NDUFAF6: variants seen among roughly 807,000 people sequenced by gnomAD.
NDUFAF6 encodes NADH:ubiquinone oxidoreductase complex assembly factor 6, also known as NADH dehydrogenase (ubiquinone) complex I, assembly factor 6.
Under a neutral mutation model 40.8 loss-of-function variants are expected in NDUFAF6, and 45 were observed. The ratio of observed to expected loss-of-function variants is 1.10; its 90% CI spans 0.87 to 1.42. The LOEUF (loss-of-function observed/expected upper bound fraction) is 1.42. Ranked by LOEUF, NDUFAF6 falls within the 40% of genes most tolerant of loss-of-function variation. The pLI, the probability that NDUFAF6 is intolerant of heterozygous loss-of-function variation, is 0.00. For synonymous variants in NDUFAF6, 185 were observed against 155.9 expected, an observed-to-expected ratio of 1.19 and a Z score of -1.39; for missense variants, 435 against 418.5, an observed-to-expected ratio of 1.04 and a Z score of -0.34.
intron 2 of NDUFAF6, among the ~76,000 whole-genome samples, chr8:95,007,432 G>A (rs1434165098): frequency 6.6e-6 from 1 of 152,082 alleles, no homozygotes; most frequent in African/African-American, 2.4e-5. Context: ...GGGAGGCCAA[G>A]GCAGGAAGAT....
chr8:94,896,985 G>A (rs1006602998), intron 1 of NDUFAF6, among the ~76,000 whole-genome samples: 1 of 152,204 alleles, frequency 6.6e-6, no homozygotes, highest in African/African-American at 2.4e-5. Context: ...GATGGCTCTC[G>A]GCGGGGCAGA....
At chr8:95,082,764 A>AT (rs1808914653) in intron 2 of NDUFAF6, among the ~76,000 whole-genome samples, 1 of 151,486 alleles carries the variant, frequency 6.6e-6, no homozygotes, top group African/African-American at 2.4e-5. Flanking sequence ...GGTTCACGCC[A>AT]TTCTCCTGCC....
intron 9 of NDUFAF6, among the ~76,000 whole-genome samples, chr8:95,072,214 G>C (rs892503822): frequency 7.9e-5 from 12 of 152,030 alleles, no homozygotes; most frequent in African/African-American, 2.7e-4. Flanking sequence ...TTATGTTGCG[G>C]TGCCCTACTT....
At chr8:95,067,073 A>G (rs1469879183) in intron 9 of NDUFAF6, 1 of 152,216 alleles carries the variant, frequency 6.6e-6, no homozygotes, top group Non-Finnish European at 1.5e-5. Flanking sequence ...AGGGAGGACT[A>G]TTTATTGAGA....
chr8:94,980,962 G>A (rs1825395675), exon 2 of NDUFAF6: 1 of 456,574 alleles, frequency 2.2e-6, no homozygotes, highest in East Asian at 6.9e-5. Flanking sequence ...ATTCCTCATG[G>A]TTGGTTCAAA....
At chr8:95,095,803 T>G (rs1393838109), upstream of NDUFAF6, among the ~76,000 whole-genome samples, 2 of 152,048 alleles carry the variant, frequency 1.3e-5, no homozygotes, top group Admixed American at 1.3e-4. Flanking sequence ...TAGCTGAGAT[T>G]ACAGGCGCCT....
intron 4 of NDUFAF6, among the ~76,000 whole-genome samples, chr8:95,112,585 G>C (rs913480057): frequency 6.6e-6 from 1 of 151,254 alleles, no homozygotes; most frequent in African/African-American, 2.4e-5. Flanking sequence ...GTGACAATCT[G>C]TTCTGGCAGC....
rs188650603 is a variant in NDUFAF6 at position 95,007,382 on chromosome 8, G to A, written c.-83-24613G>A. 2.5e-3 allele frequency among the ~76,000 whole-genome samples: 380 copies of A among 151,922 alleles called. 4 individuals are homozygous for A. Among genetic ancestry groups the A allele is most frequent in the African/African-American group, 8.7e-3 (362 of 41,426 alleles). On this transcript the variant is annotated intron_variant, in intron 2 of 9. Coordinates refer to the NDUFAF6 transcript ENST00000396111. ...AAAATATTTAATTTTAAAAATCCAT[G>A]CGCCAGGCACATGACTCATGCCCAT...
exon 10 of NDUFAF6, chr8:95,075,827 C>A (rs781705101): frequency 5.5e-6 from 3 of 546,594 alleles, no homozygotes; most frequent in African/African-American, 3.9e-5. Context: ...GCACACACTT[C>A]TCCTTGCGCT....
At chr8:95,048,243 TG>T (rs1006887485) in intron 6 of NDUFAF6, among the ~76,000 whole-genome samples, 8 of 152,246 alleles carry the variant, frequency 5.3e-5, no homozygotes, top group African/African-American at 1.7e-4. Context: ...CTCTCATTTT[TG>T]TTTTTTTTTC....
At chr8:95,012,807 G>C (rs1239690801) in intron 2 of NDUFAF6, among the ~76,000 whole-genome samples, 2 of 151,556 alleles carry the variant, frequency 1.3e-5, no homozygotes, top group South Asian at 2.1e-4. Context: ...CTGGGTGACA[G>C]AGTAAGACTC....
intron 2 of NDUFAF6, among the ~76,000 whole-genome samples, chr8:94,995,704 C>A (rs1255850563): frequency 1.3e-5 from 2 of 152,224 alleles, no homozygotes; most frequent in African/African-American, 4.8e-5. Flanking sequence ...AGAACTCATT[C>A]CAGTTTCAGC....
intron 1 of NDUFAF6, among the ~76,000 whole-genome samples, chr8:94,923,558 C>A (rs1434997295): frequency 6.6e-6 from 1 of 152,166 alleles, no homozygotes; most frequent in East Asian, 1.9e-4. Flanking sequence ...CTGTAAGTAA[C>A]CACTCCTTCA....
chr8:95,109,387 A>C (rs1809929278), intron 4 of NDUFAF6, among the ~76,000 whole-genome samples: 1 of 152,232 alleles, frequency 6.6e-6, no homozygotes, highest in East Asian at 1.9e-4. Flanking sequence ...TAAGGTCTGT[A>C]TGATCTTTAC....
intron 2 of NDUFAF6, among the ~76,000 whole-genome samples, chr8:95,013,719 T>C (rs1019761408): frequency 7.9e-5 from 12 of 152,128 alleles, no homozygotes; most frequent in Non-Finnish European, 1.6e-4. Flanking sequence ...AAGTATATAA[T>C]ATGTCAGATG....
At chr8:94,937,192 A>G (rs1821061374) in intron 1 of NDUFAF6, among the ~76,000 whole-genome samples, 1 of 152,184 alleles carries the variant, frequency 6.6e-6, no homozygotes, top group African/African-American at 2.4e-5. Flanking sequence ...AATGCCCAAA[A>G]ACACTTTGGG....
rs781531007 is a variant in NDUFAF6, at chr8:94,936,940, A to AG, written c.-935-8539dup. ...CAGCAAAAGAGACAGACTACTGATG[A>AG]GGGGCAGATTCCCTGGTGGGAAGGC... is the stretch of plus-strand genomic sequence containing the variant. On this transcript the variant is annotated intron_variant, in intron 1 of 14. Coordinates refer to the NDUFAF6 transcript ENST00000396113. Among the ~76,000 whole-genome samples, 3 of 152,330 alleles carry AG rather than the reference A, an allele frequency of 2.0e-5. No homozygotes were observed. The East Asian group carries it at 5.8e-4, about 29-fold the overall frequency.
At chr8:95,083,112 C>G (rs754509416) in intron 2 of NDUFAF6, among the ~76,000 whole-genome samples, 14 of 152,290 alleles carry the variant, frequency 9.2e-5, no homozygotes, top group Admixed American at 3.9e-4. Context: ...AGGGTTTTAT[C>G]TGTCTTTGTT....
chr8:95,023,399 G>A (rs1222836176), upstream of NDUFAF6: 2 of 152,164 alleles, frequency 1.3e-5, no homozygotes, highest in African/African-American at 4.8e-5. Flanking sequence ...CTTTACCTTG[G>A]GTTTAAACAA....
Sources: gnomAD v4.1 joint callset for allele counts (sites outside exome capture counted in the v4.1 genomes callset) on GRCh38, gnomAD v4.1.1 for gene constraint, MANE v1.5 for transcripts, NCBI Gene and HGNC (gene_info 2026-07-23, HGNC 2026-07-21) for gene names.